The following ARB2A variants were observed in gnomAD, a reference collection of about 807,000 sequenced individuals.
ARB2A encodes the protein cotranscriptional regulator ARB2A.
the ARB2A span, among the ~76,000 whole-genome samples, chr5:94,008,153 C>A: frequency 6.6e-6 from 1 of 152,244 alleles, no homozygotes; most frequent in South Asian, 2.1e-4. Context: ...TTCTCTACCA[C>A]CTTTTATTCA....
the ARB2A span, among the ~76,000 whole-genome samples, chr5:94,042,597 G>A: frequency 6.6e-5 from 10 of 152,080 alleles, no homozygotes; most frequent in African/African-American, 1.2e-4. Flanking sequence ...GAGCCACTGC[G>A]CCCAGCCACA....
the ARB2A span, among the ~76,000 whole-genome samples, chr5:93,817,087 AAC>A: frequency 0.012 from 1,713 of 143,764 alleles, 20 homozygotes; most frequent in African/African-American, 0.036. Context: ...AATACACACA[AAC>A]ACACACACAC....
chr5:93,999,532 G>C, the ARB2A span, among the ~76,000 whole-genome samples: 1 of 151,816 alleles, frequency 6.6e-6, no homozygotes, highest in Non-Finnish European at 1.5e-5. Context: ...AGCAGTTTTA[G>C]GTTCACAGCA....
At chr5:93,768,068 A>G in the ARB2A span, among the ~76,000 whole-genome samples, 1 of 151,008 alleles carries the variant, frequency 6.6e-6, no homozygotes, top group Non-Finnish European at 1.5e-5. Flanking sequence ...GAGATTGGAG[A>G]CTATTATTCC....
the ARB2A span, among the ~76,000 whole-genome samples, chr5:94,018,740 T>C: frequency 3.3e-5 from 5 of 152,148 alleles, no homozygotes; most frequent in East Asian, 1.9e-4. Context: ...GAGTAGTATA[T>C]AGATTCAGTG....
chr5:93,805,817 T>A, the ARB2A span: 2 of 985,060 alleles, frequency 2.0e-6, no homozygotes, highest in Admixed American at 1.2e-4. Context: ...ATGGATCTCC[T>A]GTTGCACCAT....
At chr5:94,048,369 A>C in the ARB2A span, among the ~76,000 whole-genome samples, 1 of 152,142 alleles carries the variant, frequency 6.6e-6, no homozygotes, top group Non-Finnish European at 1.5e-5. Context: ...GCTTTTTTTA[A>C]TGTGCAGCAG....
At chr5:93,855,869 A>C in the ARB2A span, among the ~76,000 whole-genome samples, 1 of 151,980 alleles carries the variant, frequency 6.6e-6, no homozygotes, top group Non-Finnish European at 1.5e-5. Context: ...TGGGGAAAAA[A>C]CAGAGCAGAA....
the ARB2A span, among the ~76,000 whole-genome samples, chr5:93,806,697 T>C: frequency 6.6e-6 from 1 of 151,942 alleles, no homozygotes; most frequent in Non-Finnish European, 1.5e-5. Context: ...AAAAGAAATA[T>C]GATCTCTAAC....
the ARB2A span, among the ~76,000 whole-genome samples, chr5:93,833,204 A>G: frequency 9.8e-5 from 15 of 152,346 alleles, no homozygotes; most frequent in South Asian, 8.3e-4. Flanking sequence ...TTTTAATTCA[A>G]ACTATAAATA....
At chr5:93,862,102 A>G in the ARB2A span, 7 of 152,242 alleles carry the variant, frequency 4.6e-5, no homozygotes, top group Non-Finnish European at 8.8e-5. Context: ...CCTTGATTTT[A>G]AAATTTATTA....
chr5:93,669,589 G>T, the ARB2A span, among the ~76,000 whole-genome samples: 2 of 152,192 alleles, frequency 1.3e-5, no homozygotes, highest in African/African-American at 4.8e-5. Context: ...AAGGGAAGGA[G>T]AACTTGTTTT....
chr5:93,786,652 A>G, the ARB2A span, among the ~76,000 whole-genome samples: 1,787 of 152,256 alleles, frequency 0.012, 21 homozygotes, highest in East Asian at 0.032. Context: ...TTTTTGGACT[A>G]TTTACCTCTG....
At chr5:93,939,974 A>C in the ARB2A span, among the ~76,000 whole-genome samples, 28 of 152,042 alleles carry the variant, frequency 1.8e-4, no homozygotes, top group African/African-American at 6.5e-4. Flanking sequence ...TTAAACTCAG[A>C]GTGTATACCT....
the ARB2A span, chr5:93,740,575 C>T: frequency 6.3e-7 from 1 of 1,589,012 alleles, no homozygotes; most frequent in Non-Finnish European, 8.6e-7. Flanking sequence ...AGCCCCTCAG[C>T]CCTAAAATCT....
the ARB2A span, among the ~76,000 whole-genome samples, chr5:93,699,096 T>C: frequency 6.6e-6 from 1 of 152,182 alleles, no homozygotes; most frequent in Non-Finnish European, 1.5e-5. Flanking sequence ...CCTACTCTTA[T>C]CAGTTCTCAG....
At chr5:93,971,569 AAAATAAATAAATAAATAAAT>A in the ARB2A span, among the ~76,000 whole-genome samples, 1 of 139,368 alleles carries the variant, frequency 7.2e-6, no homozygotes, top group African/African-American at 2.6e-5. Context: ...CTCCGTCTCA[AAAATAAATAAATAAATAAAT>A]AAATAAATAA....
the ARB2A span, among the ~76,000 whole-genome samples, chr5:93,809,655 T>A: frequency 6.6e-6 from 1 of 152,008 alleles, no homozygotes; most frequent in Non-Finnish European, 1.5e-5. Context: ...GCTTTTCAAG[T>A]ATTAGGTATC....
chr5:93,656,124 T>C, the ARB2A span, among the ~76,000 whole-genome samples: 1 of 152,178 alleles, frequency 6.6e-6, no homozygotes, highest in African/African-American at 2.4e-5. Flanking sequence ...GGTAAAGTCT[T>C]GATGTAGTGG....
Sources: gnomAD v4.1 joint callset for allele counts (sites outside exome capture counted in the v4.1 genomes callset) on GRCh38, gnomAD v4.1.1 for gene constraint, MANE v1.5 for transcripts, NCBI Gene and HGNC (gene_info 2026-07-23, HGNC 2026-07-21) for gene names.